ANGEL2: variants seen among roughly 807,000 people sequenced by gnomAD.
ANGEL2 encodes the protein RNA 2',3'-cyclic phosphatase ANGEL2.
A neutral mutation model predicts 66.0 loss-of-function variants in ANGEL2; 41 were observed. The observed-to-expected ratio is 0.62, with a 90% confidence interval of 0.48 to 0.81. The LOEUF (loss-of-function observed/expected upper bound fraction) is 0.81. Ranked by LOEUF, ANGEL2 falls within the 30% of genes least tolerant of loss-of-function variation. ANGEL2 has a pLI of 0.00. For synonymous variants in ANGEL2, 208 were observed against 226.5 expected (o/e 0.92, Z 0.73); for missense variants, 561 against 641.6 (o/e 0.87, Z 1.36).
chr1:212,999,597 G>A (rs965336901), intron 7 of ANGEL2, among the ~76,000 whole-genome samples: 2 of 152,120 alleles, frequency 1.3e-5, no homozygotes, highest in Admixed American at 6.5e-5. Context: ...AAATTTAAAT[G>A]TTAAAACAAA....
At chr1:213,011,600 G>T in intron 2 of ANGEL2, 2 of 345,418 alleles carry the variant, frequency 5.8e-6, no homozygotes, top group Non-Finnish European at 8.3e-6. Flanking sequence ...TAGGCACTTT[G>T]ACATACAGTA....
Position 212,995,047 on chromosome 1 carries a change from C to T in ANGEL2, c.1629G>A (p.Glu543=), listed in dbSNP as rs532245447. Residue 543 remains glutamate (E), a synonymous_variant, in exon 9 of 9, where the codon GAG becomes GAA. Coordinates refer to ENST00000366962, the MANE Select transcript of ANGEL2 (RefSeq NM_144567.5). Reference sequence around the variant, plus strand: ...AGTATGTGATCAAAGAGAGTCAGAGCTCAAGTCTGAACTTTGCCAATAAAG... The same window carrying T: ...AGTATGTGATCAAAGAGAGTCAGAGTTCAAGTCTGAACTTTGCCAATAAAG... The part of the protein sequence containing the change: ...HLPLLAKFRL[E]L 6.2e-7 allele frequency: 1 copy of T among 1,601,504 alleles called. No individual in the cohort carries two copies. The highest frequency in any genetic ancestry group is 8.5e-7 in the Non-Finnish European group (1 of 1,174,860).
At chr1:213,004,372 C>T (rs60686103) in intron 5 of ANGEL2, among the ~76,000 whole-genome samples, 12 of 152,096 alleles carry the variant, frequency 7.9e-5, no homozygotes, top group Middle Eastern at 3.4e-3. Context: ...TATTCTACAA[C>T]GGAAACTTGT....
At chr1:212,996,671 A>ATATATATC (rs2076032875) in intron 8 of ANGEL2, among the ~76,000 whole-genome samples, 1 of 128,568 alleles carries the variant, frequency 7.8e-6, no homozygotes, top group South Asian at 2.5e-4. Flanking sequence ...ATATATATAT[A>ATATATATC]CTTTTCCTCC....
intron 2 of ANGEL2, chr1:213,011,609 T>A: frequency 3.1e-6 from 1 of 319,778 alleles, no homozygotes; most frequent in Non-Finnish European, 4.6e-6. Context: ...TGACATACAG[T>A]ATCTCATTTC....
Position 213,005,431 on chromosome 1 carries a change from G to A in ANGEL2, c.736C>T (p.Arg246Trp), listed in dbSNP as rs1258960600. 1.9e-6 allele frequency: 3 copies of A among 1,605,654 alleles called. No individual in the cohort carries two copies. The highest frequency in any genetic ancestry group is 1.7e-5 in the Admixed American group (1 of 59,402). ...CAGCCATCAGGTTTCCTTCCTGTCC[G>A]CATCTTATATTCACAGTGATAACCT... ...SLGYHCEYKM[R>W]TGRKPDGCAI... is the part of the protein sequence containing the mutation. The change falls in exon 5 of 9, where the codon CGG (arginine) becomes TGG (tryptophan). Residue 246 changes from arginine (R) to tryptophan (W), a missense_variant. Physicochemically the swap from Arg to Trp is moderately radical, Grantham distance 101. Transcript: ENST00000366962.
chr1:212,997,980 G>C (rs2076072399), intron 7 of ANGEL2, among the ~76,000 whole-genome samples: 1 of 152,090 alleles, frequency 6.6e-6, no homozygotes, highest in Admixed American at 6.5e-5. Context: ...AGAATACATA[G>C]ATGAAGATGT....
intron 1 of ANGEL2, 27 bp downstream of exon 1, chr1:213,015,586 T>C: frequency 4.0e-6 from 5 of 1,251,310 alleles, no homozygotes; most frequent in South Asian, 1.4e-5. Flanking sequence ...CCCTCTCTCC[T>C]CCCTCCGAGT....
At chr1:213,015,411 CG>C in intron 1 of ANGEL2, 1 of 1,424,744 alleles carries the variant, frequency 7.0e-7, no homozygotes, top group Non-Finnish European at 9.1e-7. Flanking sequence ...GTTGGCCCAG[CG>C]TCCCGCCAGC....
chr1:213,003,445 G>C (rs2076233234), intron 5 of ANGEL2, among the ~76,000 whole-genome samples: 2 of 152,188 alleles, frequency 1.3e-5, no homozygotes, highest in Non-Finnish European at 2.9e-5. Flanking sequence ...AGACATGTGA[G>C]TCTTCCTTCT....
At chr1:213,002,124 C>A (rs2076193579) in intron 5 of ANGEL2, 1 of 152,478 alleles carries the variant, frequency 6.6e-6, no homozygotes. Flanking sequence ...ACTTCTATGG[C>A]AGCTATAGCC....
In ANGEL2 at chr1:212,994,064, C is replaced by T. The variant is rs1343831102; in HGVS notation, c.*977G>A. The T allele has an allele frequency of 1.3e-5, 2 of 152,176 alleles. No homozygotes were observed. Among genetic ancestry groups the T allele is most frequent in the African/African-American group, 4.8e-5 (2 of 41,420 alleles). 9.4% of individuals were successfully genotyped at this position (152,176 alleles called of 1,614,324 possible). A position where few individuals can be genotyped will look rare whatever the true frequency, so the allele number is the denominator to read the frequency against. On this transcript the variant is annotated 3_prime_UTR_variant, in exon 9 of 9. Transcript: ENST00000366962. ...TTGAGAGCTGAGGTGGGCGGATCAC[C>T]TGAGGTTGGGAGTTCGAGACCAGCC...
At position 213,004,851 on chromosome 1, in the gene ANGEL2, G is replaced by C. The variant is rs1370723985; in HGVS notation, c.1134+182C>G. 2.6e-5 allele frequency among the ~76,000 whole-genome samples: 3 copies of C among 113,884 alleles called. No individual in the cohort carries two copies. In the East Asian group the frequency reaches 9.1e-4, roughly 35 times the overall value. The allele number at this position is 113,884 out of a possible 152,430, so 74.7% of individuals were successfully genotyped here. ...ACACTGCACTCCAGCCTGGGCGACAGAGTGAGACTGTCTCAAAAAAAAAAA... is the reference window on the plus strand; with the variant it reads ...ACACTGCACTCCAGCCTGGGCGACACAGTGAGACTGTCTCAAAAAAAAAAA... On this transcript the variant is annotated intron_variant, in intron 5 of 8. Coordinates refer to ENST00000366962, the MANE Select transcript of ANGEL2 (RefSeq NM_144567.5).
rs2075878698 is a variant in ANGEL2, at chr1:212,992,248, C to T, written c.*2793G>A. 6.6e-6 allele frequency: 1 copy of T among 152,192 alleles called. No homozygotes were observed. The highest frequency in any genetic ancestry group is 2.4e-5 in the African/African-American group (1 of 41,446). The allele number at this position is 152,192 out of a possible 1,614,324, so 9.4% of individuals were successfully genotyped here. Reference sequence around the variant, plus strand: ...TGCAAATGACTTGACGCCTCTCTTTCCCCAATCCCTTGAACTCTCTGGATC... The same window carrying T: ...TGCAAATGACTTGACGCCTCTCTTTTCCCAATCCCTTGAACTCTCTGGATC... On this transcript the variant is annotated 3_prime_UTR_variant, in exon 9 of 9. Transcript: ENST00000366962.
Position 213,015,752 on chromosome 1 carries a change from C to T in ANGEL2, c.-81G>A. The T allele has an allele frequency of 6.3e-7, 1 of 1,591,388 alleles. No individual in the cohort carries two copies. Among genetic ancestry groups the T allele is most frequent in the South Asian group, 1.1e-5 (1 of 90,304 alleles). ...TAATCGATGCGACGGCCTAAAGTAT[C>T]TAGGGAACCCCATCACTCTTAAGTA... On this transcript the variant is annotated 5_prime_UTR_variant, in exon 1 of 9. Coordinates refer to ENST00000366962, the MANE Select transcript of ANGEL2 (RefSeq NM_144567.5).
At chr1:213,003,062 A>C (rs1407399197) in intron 5 of ANGEL2, among the ~76,000 whole-genome samples, 1 of 151,622 alleles carries the variant, frequency 6.6e-6, no homozygotes, top group Non-Finnish European at 1.5e-5. Context: ...AGATGGCTTC[A>C]TTCTTTAAAC....
At chr1:213,015,031 T>TA (rs959244334) in intron 1 of ANGEL2, 134 of 842,468 alleles carry the variant, frequency 1.6e-4, no homozygotes, top group African/African-American at 1.1e-3. Context: ...AAGTGCTTTT[T>TA]AAAAAAAACT....
intron 2 of ANGEL2, among the ~76,000 whole-genome samples, chr1:213,010,450 C>T (rs1020158113): frequency 6.6e-6 from 1 of 151,672 alleles, no homozygotes; most frequent in Admixed American, 6.6e-5. Flanking sequence ...CGGGCACCTG[C>T]AGTCCCAGCT....
chr1:213,014,727 C>T (rs1422257072), intron 1 of ANGEL2, among the ~76,000 whole-genome samples: 1 of 152,202 alleles, frequency 6.6e-6, no homozygotes, highest in Non-Finnish European at 1.5e-5. Flanking sequence ...GTGCCTAGCA[C>T]AGTGCCTGGC....
Sources: gnomAD v4.1 joint callset for allele counts (sites outside exome capture counted in the v4.1 genomes callset) on GRCh38, gnomAD v4.1.1 for gene constraint, MANE v1.5 for transcripts, NCBI Gene and HGNC (gene_info 2026-07-23, HGNC 2026-07-21) for gene names.